SIMC1: variants seen among roughly 807,000 people sequenced by gnomAD.
The protein encoded by SIMC1 is SUMO-interacting motif-containing protein 1.
In SIMC1, 55 loss-of-function variants were observed where a neutral mutation model predicts 82.3. That is an observed-to-expected ratio of 0.67 (90% CI 0.54 to 0.84). The LOEUF (loss-of-function observed/expected upper bound fraction) is 0.84. Among genes scored for constraint, SIMC1 ranks in the 40% least tolerant of loss-of-function variants. SIMC1 has a pLI of 0.00. For synonymous variants in SIMC1, 353 were observed against 426.3 expected (o/e 0.83, Z 2.12); for missense variants, 915 against 1,107.2 (o/e 0.83, Z 2.46).
intron 5 of SIMC1, among the ~76,000 whole-genome samples, chr5:176,318,993 C>T (rs1765037744): frequency 6.6e-6 from 1 of 152,178 alleles, no homozygotes; most frequent in East Asian, 1.9e-4. Flanking sequence ...CCTGTGGTCC[C>T]AGCTACTCGG....
At chr5:176,282,234 C>T (rs1242576693) in intron 1 of SIMC1, among the ~76,000 whole-genome samples, 1 of 152,246 alleles carries the variant, frequency 6.6e-6, no homozygotes, top group Non-Finnish European at 1.5e-5. Context: ...ACCCTCCAAG[C>T]CAGGTGCAGG....
intron 5 of SIMC1, among the ~76,000 whole-genome samples, chr5:176,320,333 T>C (rs1347864888): frequency 1.0e-4 from 1 of 9,928 alleles, no homozygotes; most frequent in Non-Finnish European, 8.3e-4. Context: ...CCATCCTATT[T>C]TATTTATTTA....
chr5:176,282,707 C>G (rs1219775903), intron 1 of SIMC1, among the ~76,000 whole-genome samples: 1 of 152,226 alleles, frequency 6.6e-6, no homozygotes, highest in Non-Finnish European at 1.5e-5. Context: ...AACAAGACTT[C>G]AGACAATCAA....
At chr5:176,326,930 T>C (rs1765420494) in intron 7 of SIMC1, among the ~76,000 whole-genome samples, 1 of 152,252 alleles carries the variant, frequency 6.6e-6, no homozygotes, top group South Asian at 2.1e-4. Flanking sequence ...CCTAAGTTTA[T>C]GTAGCTAATC....
Position 176,345,475 on chromosome 5 carries a change from A to G in SIMC1, c.*30A>G, listed in dbSNP as rs1478456435. 4 of 1,583,716 alleles carry G rather than the reference A, an allele frequency of 2.5e-6. No homozygotes were observed. The highest frequency in any genetic ancestry group is 3.4e-6 in the Non-Finnish European group (4 of 1,165,798). ...CTGCCAAGCACTGAATGCCAAGAAT[A>G]CCTCCTGAACTCTCTCTCCAACTGC... On this transcript the variant is annotated 3_prime_UTR_variant, in exon 10 of 10. Transcript: ENST00000429602.
intron 3 of SIMC1, among the ~76,000 whole-genome samples, chr5:176,295,829 G>T (rs981241346): frequency 1.3e-5 from 2 of 151,792 alleles, no homozygotes; most frequent in African/African-American, 4.8e-5. Context: ...TTCCTTTATA[G>T]TCACCCAAGA....
chr5:176,256,153 C>G lies in SIMC1; in HGVS notation c.129+17516C>G, dbSNP rs1480092045. On this transcript the variant is annotated intron_variant, in intron 1 of 9. Coordinates refer to ENST00000429602, the MANE Select transcript of SIMC1 (RefSeq NM_001308195.2). ...GAAGACTAAAAAACAAACAAAAAAG[C>G]TGCACTTCAGAAGATAGTTGAAAAT... is the stretch of plus-strand genomic sequence containing the variant. 4.5e-4 allele frequency among the ~76,000 whole-genome samples: 69 copies of G among 152,094 alleles called. 3 individuals carry two copies. The highest frequency in any genetic ancestry group is 2.1e-4 in the South Asian group (1 of 4,836).
Position 176,324,741 on chromosome 5 carries a change from C to G in SIMC1, c.2155C>G (p.Pro719Ala). 1.3e-6 allele frequency: 2 copies of G among 1,596,292 alleles called. No individual in the cohort carries two copies. Among genetic ancestry groups the G allele is most frequent in the Non-Finnish European group, 1.7e-6 (2 of 1,171,160 alleles). ...GATGTTTGGGTTTGTGCTGGACATT[C>G]CTGAGAGGAGCCAGAGGTGAGTCTT... ...EMMFGFVLDI[P>A]ERSQREMFFT... Residue 719 changes from proline (P) to alanine (A), a missense_variant, in exon 7 of 10, where the codon CCT becomes GCT. Pro to Ala is a conservative substitution (Grantham distance 27). This residue lies in a region of SIMC1 where 902 missense variants were observed against 1,040.3 expected (regional missense o/e 0.87). Transcript: ENST00000429602.
intron 7 of SIMC1, among the ~76,000 whole-genome samples, chr5:176,331,468 C>T (rs1191969634): frequency 6.6e-6 from 1 of 151,074 alleles, no homozygotes; most frequent in Non-Finnish European, 1.5e-5. Flanking sequence ...GGTGCCCCCA[C>T]CATGCCCTGC....
chr5:176,280,256 G>T (rs1297311593), intron 1 of SIMC1, among the ~76,000 whole-genome samples: 1 of 152,026 alleles, frequency 6.6e-6, no homozygotes, highest in African/African-American at 2.4e-5. Context: ...TTTGATCTTT[G>T]TTGGTTTAAA....
At chr5:176,277,631 T>C (rs1035165510) in intron 1 of SIMC1, among the ~76,000 whole-genome samples, 6 of 152,162 alleles carry the variant, frequency 3.9e-5, no homozygotes, top group African/African-American at 1.4e-4. Flanking sequence ...TTGTATAAGG[T>C]GTAAGGAAGG....
intron 4 of SIMC1, among the ~76,000 whole-genome samples, chr5:176,304,961 T>A (rs2113311979): frequency 3.6e-5 from 2 of 56,208 alleles, no homozygotes; most frequent in Non-Finnish European, 3.8e-5. Flanking sequence ...AACCACCCCG[T>A]CTGAGAAGTG....
chr5:176,343,722 A>G (rs1424406257), intron 9 of SIMC1, among the ~76,000 whole-genome samples: 2 of 152,194 alleles, frequency 1.3e-5, no homozygotes, highest in African/African-American at 4.8e-5. Context: ...CCTAAGCGTA[A>G]GGATATTGTA....
chr5:176,305,050 TGAG>T (rs1321168944), intron 4 of SIMC1, among the ~76,000 whole-genome samples: 1 of 141,708 alleles, frequency 7.1e-6, no homozygotes, highest in Non-Finnish European at 1.5e-5. Context: ...ATCTGGGAAG[TGAG>T]GAGCGTCTCC....
chr5:176,246,607 T>G (rs948911207), intron 1 of SIMC1, among the ~76,000 whole-genome samples: 9 of 151,906 alleles, frequency 5.9e-5, no homozygotes, highest in Non-Finnish European at 1.3e-4. Context: ...CTAGCTAATT[T>G]TTTATTTATT....
At chr5:176,332,657 GTTAAATA>G (rs1261388238) in intron 7 of SIMC1, among the ~76,000 whole-genome samples, 7 of 152,016 alleles carry the variant, frequency 4.6e-5, no homozygotes, top group Non-Finnish European at 8.8e-5. Context: ...TTTAAGGAAT[GTTAAATA>G]TTAAATAGTA....
At chr5:176,263,256 C>T (rs1173128028) in intron 1 of SIMC1, among the ~76,000 whole-genome samples, 1 of 152,148 alleles carries the variant, frequency 6.6e-6, no homozygotes, top group Non-Finnish European at 1.5e-5. Flanking sequence ...GAAATCCCAG[C>T]AATTTGTTCT....
At chr5:176,338,119 C>T (rs922766590) in intron 9 of SIMC1, among the ~76,000 whole-genome samples, 2 of 152,112 alleles carry the variant, frequency 1.3e-5, no homozygotes, top group African/African-American at 4.8e-5. Flanking sequence ...AATGTTCTTG[C>T]CAAAAGTTCA....
At chr5:176,339,613 G>A (rs963134347) in intron 9 of SIMC1, among the ~76,000 whole-genome samples, 1 of 152,038 alleles carries the variant, frequency 6.6e-6, no homozygotes, top group African/African-American at 2.4e-5. Flanking sequence ...TGATTCCCGG[G>A]GAATACACCT....
Sources: gnomAD v4.1 joint callset for allele counts (sites outside exome capture counted in the v4.1 genomes callset) on GRCh38, gnomAD v4.1.1 for gene constraint, gnomAD v4.1.1 regional missense constraint, MANE v1.5 for transcripts, NCBI Gene and HGNC (gene_info 2026-07-23, HGNC 2026-07-21) for gene names.